The following OPCML variants were observed in gnomAD, a reference collection of about 807,000 sequenced individuals.
OPCML encodes opioid-binding protein/cell adhesion molecule.
In OPCML, 13 loss-of-function variants were observed where a neutral mutation model predicts 37.8. The observed-to-expected ratio is 0.34, with a 90% CI of 0.22 to 0.55. The LOEUF (loss-of-function observed/expected upper bound fraction) is 0.55, where lower values mean the gene tolerates loss of function less well. Among genes scored for constraint, OPCML ranks in the 20% least tolerant of loss-of-function variants. The probability of loss-of-function intolerance (pLI) is 0.91; values close to 1 mark genes in which losing one functional copy is unlikely to be tolerated. For missense variants in OPCML, 341 were observed against 435.6 expected (o/e 0.78, Z 1.93); for synonymous variants, 176 against 168.8 (o/e 1.04, Z -0.33).
At chr11:133,529,918 C>T (rs566417373) in intron 1 of OPCML, among the ~76,000 whole-genome samples, 7 of 152,342 alleles carry the variant, frequency 4.6e-5, no homozygotes, top group African/African-American at 1.4e-4. Flanking sequence ...AGATGCGAAG[C>T]GTTCTTTCAC....
chr11:132,577,489 A>C (rs1406270383), intron 3 of OPCML, among the ~76,000 whole-genome samples: 1 of 152,222 alleles, frequency 6.6e-6, no homozygotes, highest in Non-Finnish European at 1.5e-5. Context: ...AGGAGATTGG[A>C]AACATGCATA....
chr11:133,351,088 G>A (rs909835720), intron 1 of OPCML, among the ~76,000 whole-genome samples: 2 of 152,170 alleles, frequency 1.3e-5, no homozygotes, highest in African/African-American at 4.8e-5. Context: ...CTGTTAAGAT[G>A]GACTGAGTTA....
chr11:132,797,626 T>G (rs1478246207), intron 2 of OPCML, among the ~76,000 whole-genome samples: 2 of 152,386 alleles, frequency 1.3e-5, no homozygotes, highest in East Asian at 3.9e-4. Context: ...ATGTTTATAT[T>G]ATACTGTAAT....
chr11:133,089,078 G>C (rs181408759), intron 1 of OPCML, among the ~76,000 whole-genome samples: 9 of 152,152 alleles, frequency 5.9e-5, no homozygotes, highest in East Asian at 1.9e-4. Flanking sequence ...ATATAGAATC[G>C]TTGGATCTAA....
intron 2 of OPCML, among the ~76,000 whole-genome samples, chr11:132,908,313 C>A (rs117812212): frequency 0.014 from 2,089 of 152,336 alleles, 18 homozygotes; most frequent in Non-Finnish European, 0.023. Flanking sequence ...TATGCACACA[C>A]GTGCACACAT....
At chr11:133,198,895 G>A (rs1474302460) in intron 1 of OPCML, among the ~76,000 whole-genome samples, 3 of 152,176 alleles carry the variant, frequency 2.0e-5, no homozygotes, top group Admixed American at 6.5e-5. Context: ...AATACAGATA[G>A]TATATGAATC....
intron 3 of OPCML, among the ~76,000 whole-genome samples, chr11:132,638,184 T>TATATATATATATATATATAC (rs913690705): frequency 1.6e-5 from 2 of 126,930 alleles, no homozygotes; most frequent in South Asian, 5.2e-4. Context: ...TATATATATA[T>TATATATATATATATATATAC]ATACAGAGAG....
At chr11:132,975,304 A>G (rs1946434171) in intron 1 of OPCML, among the ~76,000 whole-genome samples, 1 of 151,988 alleles carries the variant, frequency 6.6e-6, no homozygotes, top group South Asian at 2.1e-4. Context: ...TTTCAGTTGT[A>G]TGGCTATGGA....
chr11:132,579,404 TG>T (rs2096457759), intron 3 of OPCML, among the ~76,000 whole-genome samples: 2 of 151,508 alleles, frequency 1.3e-5, no homozygotes, highest in African/African-American at 4.9e-5. Flanking sequence ...TGTGTGTGTG[TG>T]TGTGTGTGTG....
At chr11:132,970,654 A>T (rs1048722530) in intron 1 of OPCML, among the ~76,000 whole-genome samples, 3 of 152,036 alleles carry the variant, frequency 2.0e-5, no homozygotes, top group African/African-American at 7.2e-5. Context: ...TGTCACATAA[A>T]CCCTCATTTC....
chr11:132,479,861 A>T (rs1233855790), intron 4 of OPCML, among the ~76,000 whole-genome samples: 1 of 152,120 alleles, frequency 6.6e-6, no homozygotes, highest in African/African-American at 2.4e-5. Flanking sequence ...CGCACAAAAA[A>T]CCCATCTGTA....
intron 1 of OPCML, among the ~76,000 whole-genome samples, chr11:133,355,397 TG>T (rs35069404): frequency 7.1e-4 from 108 of 152,200 alleles, no homozygotes; most frequent in Non-Finnish European, 1.2e-3. Context: ...CTGAGAGCAC[TG>T]GGTTGAGAAT....
In OPCML at chr11:132,528,680, C is replaced by T. The variant is rs183010162; in HGVS notation, c.505+381G>A. Reference sequence around the variant, plus strand: ...GCAAGGAGATCCTTTTACTCCTGGACGCACAATAATGCCAAAGTTCTCCAT... The same window carrying T: ...GCAAGGAGATCCTTTTACTCCTGGATGCACAATAATGCCAAAGTTCTCCAT... On this transcript the variant is annotated intron_variant, in intron 4 of 7. Coordinates refer to ENST00000524381, the MANE Select transcript of OPCML (RefSeq NM_001012393.5). Among the ~76,000 whole-genome samples the T allele has an allele frequency of 2.6e-3, 400 of 152,274 alleles. 1 individual carries two copies. Among genetic ancestry groups the T allele is most frequent in the Non-Finnish European group, 3.4e-3 (233 of 68,014 alleles).
intron 1 of OPCML, among the ~76,000 whole-genome samples, chr11:133,404,042 C>T (rs561107423): frequency 1.3e-5 from 2 of 152,324 alleles, no homozygotes; most frequent in Non-Finnish European, 2.9e-5. Context: ...GCAGAGTTGG[C>T]TCCCCCTAGA....
At chr11:133,525,268 T>C (rs1456598086) in intron 1 of OPCML, among the ~76,000 whole-genome samples, 5 of 152,166 alleles carry the variant, frequency 3.3e-5, no homozygotes, top group South Asian at 2.1e-4. Context: ...AAAGGATGTG[T>C]AGCCAGAAAA....
intron 3 of OPCML, among the ~76,000 whole-genome samples, chr11:132,623,307 G>T (rs1421334873): frequency 6.6e-6 from 1 of 151,678 alleles, no homozygotes; most frequent in Non-Finnish European, 1.5e-5. Context: ...ATTTTAAATG[G>T]CTCCTTCATC....
chr11:133,445,785 T>G (rs1591509038), intron 1 of OPCML, among the ~76,000 whole-genome samples: 1 of 152,208 alleles, frequency 6.6e-6, no homozygotes, highest in South Asian at 2.1e-4. Flanking sequence ...GGCTCAAGGA[T>G]TATAGCCTTA....
chr11:132,606,374 A>C (rs1938296986), intron 3 of OPCML, among the ~76,000 whole-genome samples: 1 of 152,106 alleles, frequency 6.6e-6, no homozygotes, highest in South Asian at 2.1e-4. Context: ...CCTCCCAGAC[A>C]TACTCTGACT....
chr11:132,680,172 G>A lies in OPCML; in HGVS notation c.147-22853C>T, dbSNP rs963976117. Among the ~76,000 whole-genome samples, 3 of 152,130 alleles carry A rather than the reference G, an allele frequency of 2.0e-5. 1 individual carries two copies. In the South Asian group the frequency reaches 6.2e-4, roughly 32 times the overall value. On this transcript the variant is annotated intron_variant, in intron 2 of 7. Coordinates refer to ENST00000524381, the MANE Select transcript of OPCML (RefSeq NM_001012393.5). ...TGAGTGGCCGTGATCAAGCCATTGT[G>A]CAATGCACCTGCCCCTCACCCAGTG...
Sources: allele counts gnomAD v4.1 joint callset (sites outside exome capture counted in the v4.1 genomes callset), GRCh38; gene constraint gnomAD v4.1.1; transcripts MANE v1.5; gene names NCBI Gene and HGNC (gene_info 2026-07-23, HGNC 2026-07-21).